Variants in CTNNA3 observed in about 807,000 individuals in gnomAD.
The protein encoded by CTNNA3 is catenin alpha-3.
In CTNNA3, 76 loss-of-function variants were observed where a neutral mutation model predicts 95.7. The observed-to-expected ratio is 0.79, with a 90% CI of 0.66 to 0.96. The LOEUF (loss-of-function observed/expected upper bound fraction) is 0.96, where lower values mean the gene tolerates loss of function less well. Among genes scored for constraint, CTNNA3 ranks in the 40% least tolerant of loss-of-function variants. The pLI, the probability that CTNNA3 is intolerant of heterozygous loss-of-function variation, is 0.00. For missense variants in CTNNA3, 1,191 were observed against 1,089.8 expected, an observed-to-expected ratio of 1.09 and a Z score of -1.31; for synonymous variants, 431 against 374.4, an observed-to-expected ratio of 1.15 and a Z score of -1.74.
intron 7 of CTNNA3, among the ~76,000 whole-genome samples, chr10:67,096,789 C>T (rs1414911781): frequency 6.6e-6 from 1 of 151,830 alleles, no homozygotes; most frequent in Non-Finnish European, 1.5e-5. Flanking sequence ...CTCATGTATA[C>T]TACTGGTTCC....
At chr10:66,190,739 C>A (rs1257816688) in intron 13 of CTNNA3, among the ~76,000 whole-genome samples, 1 of 152,058 alleles carries the variant, frequency 6.6e-6, no homozygotes, top group Non-Finnish European at 1.5e-5. Flanking sequence ...GGATTTGATT[C>A]TGAGCAGGAT....
At chr10:67,099,328 T>A (rs903958980) in intron 7 of CTNNA3, 6 of 151,498 alleles carry the variant, frequency 4.0e-5, no homozygotes, top group African/African-American at 1.5e-4. Flanking sequence ...ATTCTTGTGT[T>A]TTTTTTTAAT....
intron 10 of CTNNA3, among the ~76,000 whole-genome samples, chr10:66,537,480 A>G (rs896659042): frequency 1.3e-5 from 2 of 151,956 alleles, no homozygotes; most frequent in African/African-American, 4.8e-5. Flanking sequence ...ATGTGAGATA[A>G]ACTCAAGGCA....
intron 13 of CTNNA3, among the ~76,000 whole-genome samples, chr10:66,172,001 C>A (rs1329504235): frequency 1.3e-5 from 2 of 152,130 alleles, no homozygotes; most frequent in Non-Finnish European, 2.9e-5. Context: ...GGAACAAAAT[C>A]AGGTGGCAAA....
rs532431990 is a variant in CTNNA3 at position 66,804,561 on chromosome 10, A to C, written c.1048-29037T>G. Among the ~76,000 whole-genome samples, 7 of 152,214 alleles carry C rather than the reference A, an allele frequency of 4.6e-5. No individual in the cohort carries two copies. The South Asian group carries it at 8.3e-4, about 18-fold the overall frequency. ...TCTTTGAACAATCTCTGAGAAGACT[A>C]GTGAAAAGATGATCCTTCCTTTCCT... On this transcript the variant is annotated intron_variant, in intron 7 of 17. Transcript: ENST00000433211.
At chr10:67,633,295 C>T (rs1244985653) in intron 2 of CTNNA3, among the ~76,000 whole-genome samples, 6 of 152,102 alleles carry the variant, frequency 3.9e-5, no homozygotes, top group Admixed American at 3.9e-4. Context: ...GTGGACTCAG[C>T]CATTCTAGCC....
At chr10:67,521,096 G>A (rs931953776) in intron 5 of CTNNA3, among the ~76,000 whole-genome samples, 3 of 152,170 alleles carry the variant, frequency 2.0e-5, no homozygotes, top group African/African-American at 7.2e-5. Context: ...AACCTTTGGT[G>A]GAAGTAAAAG....
intron 7 of CTNNA3, among the ~76,000 whole-genome samples, chr10:67,141,240 C>T (rs1432734093): frequency 6.6e-6 from 1 of 152,140 alleles, no homozygotes; most frequent in Admixed American, 6.5e-5. Context: ...TAAATGTACA[C>T]CATGTAACAA....
At chr10:67,226,417 T>C (rs1336365289) in intron 5 of CTNNA3, among the ~76,000 whole-genome samples, 1 of 152,146 alleles carries the variant, frequency 6.6e-6, no homozygotes, top group Non-Finnish European at 1.5e-5. Flanking sequence ...CTAGACACAT[T>C]GTCATCAGGT....
chr10:67,302,611 C>T (rs1285002939), intron 5 of CTNNA3, among the ~76,000 whole-genome samples: 1 of 152,164 alleles, frequency 6.6e-6, no homozygotes, highest in Non-Finnish European at 1.5e-5. Flanking sequence ...AGAACCACAG[C>T]CACTTGACCT....
chr10:67,382,423 A>C (rs1263518457), intron 5 of CTNNA3, among the ~76,000 whole-genome samples: 1 of 152,352 alleles, frequency 6.6e-6, no homozygotes, highest in East Asian at 1.9e-4. Context: ...TAAAATAAGC[A>C]GAATTAAAAT....
intron 11 of CTNNA3, among the ~76,000 whole-genome samples, chr10:66,493,903 C>CTTTTTTTTTT (rs1181967222): frequency 1.0e-5 from 1 of 98,146 alleles, no homozygotes; most frequent in Non-Finnish European, 1.9e-5. Flanking sequence ...CTGCGCCGGC[C>CTTTTTTTTTT]TTTTTTTTTT....
chr10:66,473,877 G>A (rs906407933), intron 11 of CTNNA3, among the ~76,000 whole-genome samples: 6 of 152,000 alleles, frequency 3.9e-5, no homozygotes, highest in African/African-American at 1.4e-4. Context: ...AGTATTCCAT[G>A]GTGTATATGT....
chr10:66,137,355 T>C (rs2083406524), intron 13 of CTNNA3, among the ~76,000 whole-genome samples: 1 of 152,054 alleles, frequency 6.6e-6, no homozygotes, highest in Non-Finnish European at 1.5e-5. Context: ...TAGCTTGGAA[T>C]CTTCAAAATT....
At chr10:67,379,822 G>C (rs7897314) in intron 5 of CTNNA3, among the ~76,000 whole-genome samples, 28,049 of 151,606 alleles carry the variant, frequency 0.19, 4,017 homozygotes, top group African/African-American at 0.39. Context: ...GAGATCGAGA[G>C]CATCCCGGCT....
At chr10:66,681,719 A>G (rs544647574) in intron 9 of CTNNA3, among the ~76,000 whole-genome samples, 1 of 152,314 alleles carries the variant, frequency 6.6e-6, no homozygotes, top group East Asian at 1.9e-4. Flanking sequence ...ATGTTTGTCA[A>G]TATTTGGAAG....
chr10:66,855,447 T>C (rs1179479435), intron 7 of CTNNA3, among the ~76,000 whole-genome samples: 1 of 151,986 alleles, frequency 6.6e-6, no homozygotes, highest in Non-Finnish European at 1.5e-5. Flanking sequence ...ATATATTTTA[T>C]GATCATAACT....
intron 5 of CTNNA3, among the ~76,000 whole-genome samples, chr10:67,360,032 A>T (rs543572502): frequency 6.6e-6 from 1 of 152,282 alleles, no homozygotes; most frequent in South Asian, 2.1e-4. Flanking sequence ...TCAAGCAAGA[A>T]AAAATTGGGA....
chr10:67,420,706 CTTATT>C (rs1845716506), intron 5 of CTNNA3, among the ~76,000 whole-genome samples: 2 of 151,988 alleles, frequency 1.3e-5, no homozygotes, highest in Non-Finnish European at 2.9e-5. Flanking sequence ...ATTATCCTTT[CTTATT>C]TTATTGTTAT....
Sources: gnomAD v4.1 joint callset for allele counts (sites outside exome capture counted in the v4.1 genomes callset) on GRCh38, gnomAD v4.1.1 for gene constraint, MANE v1.5 for transcripts, NCBI Gene and HGNC (gene_info 2026-07-23, HGNC 2026-07-21) for gene names.